PDE3A: variants seen among roughly 807,000 people sequenced by gnomAD.
PDE3A encodes phosphodiesterase 3A, also known as cGMP-inhibited 3',5'-cyclic phosphodiesterase 3A.
In PDE3A, 43 loss-of-function variants were observed where a neutral mutation model predicts 98.3. The observed-to-expected ratio is 0.44, with a 90% CI of 0.34 to 0.56. The LOEUF is 0.56. Ranked by LOEUF, PDE3A falls within the 20% of genes least tolerant of loss-of-function variation. PDE3A has a pLI of 0.01. For missense variants in PDE3A, 1,427 were observed against 1,440.7 expected (o/e 0.99, Z 0.15); for synonymous variants, 663 against 567.9 (o/e 1.17, Z -2.38).
intron 2 of PDE3A, among the ~76,000 whole-genome samples, chr12:20,574,732 C>G (rs1002504340): frequency 7.9e-5 from 12 of 151,930 alleles, no homozygotes. Flanking sequence ...TTACATGATG[C>G]CCTTGGACCA....
At chr12:20,438,938 C>T (rs989458210) in intron 1 of PDE3A, among the ~76,000 whole-genome samples, 5 of 151,936 alleles carry the variant, frequency 3.3e-5, no homozygotes, top group East Asian at 1.9e-4. Flanking sequence ...ACTATAGGCA[C>T]GTACCACCAC....
At chr12:20,601,673 G>T (rs894011761) in intron 2 of PDE3A, among the ~76,000 whole-genome samples, 1 of 151,942 alleles carries the variant, frequency 6.6e-6, no homozygotes, top group East Asian at 1.9e-4. Flanking sequence ...TTATGTAATT[G>T]TAATTTCACT....
At chr12:20,578,740 C>T (rs1260975288) in intron 2 of PDE3A, among the ~76,000 whole-genome samples, 1 of 152,072 alleles carries the variant, frequency 6.6e-6, no homozygotes, top group Non-Finnish European at 1.5e-5. Context: ...CTCTGATCCC[C>T]TGGTCCCACT....
intron 4 of PDE3A, among the ~76,000 whole-genome samples, chr12:20,616,610 T>G (rs1944013614): frequency 6.6e-6 from 1 of 152,100 alleles, no homozygotes; most frequent in Admixed American, 6.5e-5. Flanking sequence ...AAAGAGTGAC[T>G]TGATGTGATC....
chr12:20,474,777 ACACTGGGGATTATATTTAGGCTC>A (rs1259034430), intron 1 of PDE3A, among the ~76,000 whole-genome samples: 1 of 151,998 alleles, frequency 6.6e-6, no homozygotes, highest in Non-Finnish European at 1.5e-5. Context: ...TCTTCTGTGG[ACACTGGGGATTATATTTAGGCTC>A]CATTCAGATA....
chr12:20,645,016 G>C (rs924289679), intron 10 of PDE3A, among the ~76,000 whole-genome samples: 1 of 151,548 alleles, frequency 6.6e-6, no homozygotes. Flanking sequence ...AGCCTCCCGA[G>C]TAGCTGGGAT....
chr12:20,386,065 T>TAAA (rs1943767360), intron 1 of PDE3A, among the ~76,000 whole-genome samples: 1 of 80,718 alleles, frequency 1.2e-5, no homozygotes, highest in African/African-American at 5.3e-5. Context: ...TATATAAATA[T>TAAA]ATATAAAATA....
In PDE3A at chr12:20,613,592, C is replaced by T. The variant is rs1444568535; in HGVS notation, c.1161C>T (p.Phe387=). Residue 387 remains phenylalanine, a synonymous_variant, in exon 3 of 16, where the codon TTC becomes TTT. Transcript: ENST00000359062. The part of the protein sequence containing the change: ...VSNLLSTQLT[F]QAIHKPRVNP... ...ACTTGCTCAGCACACAGCTCACCTT[C>T]CAGGCCATTCACAAGCCCAGAGTGA... is the stretch of plus-strand genomic sequence containing the variant. The T allele has an allele frequency of 3.7e-6, 6 of 1,613,938 alleles. No individual in the cohort carries two copies. In the African/African-American group the frequency reaches 6.7e-5, roughly 18 times the overall value.
chr12:20,674,304 T>C (rs1386449806), intron 15 of PDE3A, among the ~76,000 whole-genome samples: 1 of 152,214 alleles, frequency 6.6e-6, no homozygotes, highest in East Asian at 1.9e-4. Context: ...GGATGCCTGA[T>C]TGTTCTGAGT....
rs919958445 is a variant in PDE3A, at chr12:20,551,984, G to A, written c.961-4676G>A. On this transcript the variant is annotated intron_variant, in intron 1 of 15. Coordinates refer to ENST00000359062, the MANE Select transcript of PDE3A (RefSeq NM_000921.5). ...CCCCACGTGGCTGGCATCCATGGCC[G>A]GAGCAACGACGGAGCGTACTCCCTA... 6.8e-6 allele frequency: 11 copies of A among 1,612,706 alleles called. No individual in the cohort carries two copies. The African/African-American group carries it at 8.0e-5, about 12-fold the overall frequency.
intron 1 of PDE3A, among the ~76,000 whole-genome samples, chr12:20,491,066 G>A (rs969305955): frequency 1.3e-5 from 2 of 152,162 alleles, no homozygotes; most frequent in Admixed American, 6.6e-5. Flanking sequence ...GGGAAACAGA[G>A]TGAGCCTGAC....
chr12:20,627,149 A>AG (rs1944282432), intron 5 of PDE3A, among the ~76,000 whole-genome samples: 1 of 150,912 alleles, frequency 6.6e-6, no homozygotes, highest in East Asian at 1.9e-4. Flanking sequence ...TTCTGTTAAA[A>AG]AAAAAAAAAA....
At chr12:20,480,738 G>A (rs777471820) in intron 1 of PDE3A, among the ~76,000 whole-genome samples, 1 of 152,166 alleles carries the variant, frequency 6.6e-6, no homozygotes, top group African/African-American at 2.4e-5. Flanking sequence ...AAAAACCATA[G>A]TAGGGCAGTG....
intron 15 of PDE3A, among the ~76,000 whole-genome samples, chr12:20,663,914 A>C (rs1945243051): frequency 6.6e-6 from 1 of 152,172 alleles, no homozygotes; most frequent in African/African-American, 2.4e-5. Flanking sequence ...GTCACCACCC[A>C]AATCTCATCT....
At chr12:20,613,769 C>G in intron 3 of PDE3A, 69 bp downstream of exon 3, 1 of 1,208,092 alleles carries the variant, frequency 8.3e-7, no homozygotes, top group Non-Finnish European at 1.2e-6. Flanking sequence ...GGTCTCCTTC[C>G]TGTCACCTCA....
chr12:20,656,901 C>T (rs1188986619), intron 15 of PDE3A, among the ~76,000 whole-genome samples: 1 of 152,184 alleles, frequency 6.6e-6, no homozygotes, highest in Non-Finnish European at 1.5e-5. Context: ...GCAAATGCTA[C>T]AACCACATAT....
chr12:20,531,049 G>A (rs1310204446), intron 1 of PDE3A, among the ~76,000 whole-genome samples: 3 of 151,638 alleles, frequency 2.0e-5, no homozygotes, highest in Non-Finnish European at 4.4e-5. Flanking sequence ...AGTTCCCAGA[G>A]GCTAAGAGGG....
intron 14 of PDE3A, among the ~76,000 whole-genome samples, chr12:20,651,541 C>G (rs1235492070): frequency 6.6e-6 from 1 of 152,164 alleles, no homozygotes; most frequent in African/African-American, 2.4e-5. Flanking sequence ...TTAGATCCCT[C>G]TCTACTGCCC....
intron 2 of PDE3A, among the ~76,000 whole-genome samples, chr12:20,566,226 G>A (rs1488340627): frequency 6.6e-6 from 1 of 150,792 alleles, no homozygotes; most frequent in Non-Finnish European, 1.5e-5. Context: ...CTCCTTTTTT[G>A]GTGGTGATGC....
Sources: gnomAD v4.1 joint callset for allele counts (sites outside exome capture counted in the v4.1 genomes callset) on GRCh38, gnomAD v4.1.1 for gene constraint, MANE v1.5 for transcripts, NCBI Gene and HGNC (gene_info 2026-07-23, HGNC 2026-07-21) for gene names.